TDRD3: variants seen among roughly 807,000 people sequenced by gnomAD.
TDRD3 encodes the protein tudor domain-containing protein 3.
In TDRD3, 45 loss-of-function variants were observed where a neutral mutation model predicts 86.7. The observed-to-expected ratio is 0.52, with a 90% CI of 0.41 to 0.67. TDRD3 has a LOEUF of 0.67. TDRD3 is among the 30% of genes least tolerant of loss of function. The pLI is 0.00. For synonymous variants in TDRD3, 298 were observed against 301.7 expected (o/e 0.99, Z 0.13); for missense variants, 814 against 889.0 (o/e 0.92, Z 1.07).
chr13:60,467,374 C>G lies in TDRD3; in HGVS notation c.490C>G (p.Gln164Glu). The change falls in exon 5 of 14, where the codon CAG becomes GAG. Residue 164 changes from glutamine (Q) to glutamate (E), a missense_variant. Coordinates refer to ENST00000377881, the MANE Select transcript of TDRD3 (RefSeq NM_001146070.2). Reference protein sequence around the residue: ...VEHLIEKWELQRSLSKHNRSN... With the variant: ...VEHLIEKWELERSLSKHNRSN... ...ACACCTTATTGAGAAATGGGAGTTA[C>G]AGAGAGTAAGTGTAAACTATGGCTT... 6.2e-7 allele frequency: 1 copy of G among 1,613,532 alleles called. No individual in the cohort carries two copies. The highest frequency in any genetic ancestry group is 8.5e-7 in the Non-Finnish European group (1 of 1,179,716).
chr13:60,443,818 C>T (rs993965621), intron 2 of TDRD3, among the ~76,000 whole-genome samples: 1 of 151,884 alleles, frequency 6.6e-6, no homozygotes, highest in Admixed American at 6.6e-5. Context: ...AATAAAACAA[C>T]ACAACTTCAG....
At chr13:60,465,630 CTGTA>C (rs1349384813) in intron 4 of TDRD3, among the ~76,000 whole-genome samples, 10 of 152,064 alleles carry the variant, frequency 6.6e-5, no homozygotes, top group Middle Eastern at 3.2e-3. Flanking sequence ...CTATCTTACT[CTGTA>C]TGGGCTCTTT....
intron 10 of TDRD3, among the ~76,000 whole-genome samples, chr13:60,512,197 G>A (rs1049420446): frequency 6.6e-6 from 1 of 152,072 alleles, no homozygotes; most frequent in African/African-American, 2.4e-5. Flanking sequence ...CAAAGGGAGA[G>A]CTTGTGGAGA....
intron 6 of TDRD3, 43 bp downstream of exon 6, chr13:60,483,889 A>G: frequency 6.3e-7 from 1 of 1,592,386 alleles, no homozygotes; most frequent in Non-Finnish European, 8.6e-7. Flanking sequence ...ATTAGGAAAA[A>G]GTGTTTTTCA....
At chr13:60,492,814 G>A (rs937660289) in intron 7 of TDRD3, among the ~76,000 whole-genome samples, 1 of 151,564 alleles carries the variant, frequency 6.6e-6, no homozygotes, top group Non-Finnish European at 1.5e-5. Context: ...ACCTAATAGA[G>A]ATGCTTAATA....
intron 4 of TDRD3, among the ~76,000 whole-genome samples, chr13:60,465,535 AT>A (rs1378258567): frequency 1.3e-5 from 2 of 152,096 alleles, no homozygotes; most frequent in African/African-American, 2.4e-5. Flanking sequence ...CCTCAAAATA[AT>A]TTTTTAATTG....
intron 1 of TDRD3, among the ~76,000 whole-genome samples, chr13:60,415,532 G>A (rs1260161664): frequency 6.6e-6 from 1 of 151,906 alleles, no homozygotes; most frequent in Non-Finnish European, 1.5e-5. Flanking sequence ...GGAAAACTAG[G>A]CCCTCAATGT....
upstream of TDRD3, among the ~76,000 whole-genome samples, chr13:60,396,230 C>T (rs1345003300): frequency 6.6e-6 from 1 of 152,242 alleles, no homozygotes; most frequent in African/African-American, 2.4e-5. Flanking sequence ...TTCCCCTGAC[C>T]TGGCAGATGG....
At chr13:60,538,826 G>T (rs992491232) in intron 12 of TDRD3, among the ~76,000 whole-genome samples, 1 of 152,068 alleles carries the variant, frequency 6.6e-6, no homozygotes, top group Non-Finnish European at 1.5e-5. Flanking sequence ...TTGTGTTGTT[G>T]CTTCTGAATT....
intron 11 of TDRD3, among the ~76,000 whole-genome samples, chr13:60,530,968 A>G (rs1957570024): frequency 1.3e-5 from 2 of 152,152 alleles, no homozygotes; most frequent in African/African-American, 2.4e-5. Flanking sequence ...AGGTATAAGC[A>G]GAGTGTTAGA....
chr13:60,552,821 G>A (rs1338336806), intron 12 of TDRD3, among the ~76,000 whole-genome samples: 1 of 152,246 alleles, frequency 6.6e-6, no homozygotes, highest in Non-Finnish European at 1.5e-5. Flanking sequence ...CTTGGGTCTT[G>A]CACCCTTTGA....
chr13:60,420,968 G>A (rs892888256), intron 1 of TDRD3, among the ~76,000 whole-genome samples: 2 of 152,018 alleles, frequency 1.3e-5, no homozygotes, highest in Non-Finnish European at 2.9e-5. Context: ...TCTGTTGACC[G>A]TATTTTGTGG....
chr13:60,439,618 C>A, intron 1 of TDRD3, 70 bp from the exon 2 acceptor site: 1 of 1,206,446 alleles, frequency 8.3e-7, no homozygotes, highest in Non-Finnish European at 1.2e-6. Flanking sequence ...AACAAAATTG[C>A]ATGTAGACTT....
At chr13:60,479,959 A>G (rs1198031228) in intron 5 of TDRD3, among the ~76,000 whole-genome samples, 1 of 152,160 alleles carries the variant, frequency 6.6e-6, no homozygotes, top group Non-Finnish European at 1.5e-5. Flanking sequence ...CCAACTTGCC[A>G]TCGTATTCCT....
At chr13:60,547,414 A>G (rs1957961354) in intron 12 of TDRD3, 1 of 985,182 alleles carries the variant, frequency 1.0e-6, no homozygotes, top group Admixed American at 6.2e-5. Flanking sequence ...GCTCCAGGGG[A>G]GCTGGAAATG....
In TDRD3 at chr13:60,573,805, G is replaced by A. The variant is rs1396410352; in HGVS notation, c.*199G>A. 2 of 266,020 alleles carry A rather than the reference G, an allele frequency of 7.5e-6. No homozygotes were observed. Among genetic ancestry groups the A allele is most frequent in the African/African-American group, 4.6e-5 (2 of 43,444 alleles). The allele number at this position is 266,020 out of a possible 1,614,324, so 16.5% of individuals were successfully genotyped here. A position where few individuals can be genotyped will look rare whatever the true frequency, so the allele number is the denominator to read the frequency against. On this transcript the variant is annotated 3_prime_UTR_variant, in exon 14 of 14. Coordinates refer to ENST00000377881, the MANE Select transcript of TDRD3 (RefSeq NM_001146070.2). ...GGAAAAAAATACTGAGTTAAATTAAGCAAATACCTTTTACAAGTGAAAGGA... is the reference window on the plus strand; with the variant it reads ...GGAAAAAAATACTGAGTTAAATTAAACAAATACCTTTTACAAGTGAAAGGA...
intron 4 of TDRD3, 108 bp from the exon 5 acceptor site, chr13:60,467,130 C>G: frequency 7.6e-7 from 1 of 1,318,316 alleles, no homozygotes; most frequent in Admixed American, 2.2e-5. Flanking sequence ...TAATGCTCTC[C>G]CTCCCACTAC....
At chr13:60,555,202 A>G (rs1958157321) in intron 12 of TDRD3, among the ~76,000 whole-genome samples, 1 of 152,218 alleles carries the variant, frequency 6.6e-6, no homozygotes, top group South Asian at 2.1e-4. Context: ...ATCTCAATGT[A>G]AGCAAAAATT....
chr13:60,564,093 A>T (rs185130180), intron 12 of TDRD3, among the ~76,000 whole-genome samples: 35 of 152,328 alleles, frequency 2.3e-4, no homozygotes, highest in South Asian at 6.2e-4. Context: ...ATTAGTATAA[A>T]AGCTCATATT....
Sources: allele counts gnomAD v4.1 joint callset (sites outside exome capture counted in the v4.1 genomes callset), GRCh38; gene constraint gnomAD v4.1.1; transcripts MANE v1.5; gene names NCBI Gene and HGNC (gene_info 2026-07-23, HGNC 2026-07-21).